The following OXCT1 variants were observed in gnomAD, a reference collection of about 807,000 sequenced individuals.
OXCT1 encodes the protein 3-oxoacid CoA-transferase 1.
A neutral mutation model predicts 69.6 loss-of-function variants in OXCT1; 27 were observed. The observed-to-expected ratio is 0.39, with a 90% CI of 0.29 to 0.54. The LOEUF is 0.54. OXCT1 is among the 20% of genes least tolerant of loss of function. The pLI, the probability that OXCT1 is intolerant of heterozygous loss-of-function variation, is 0.72. For synonymous variants in OXCT1, 202 were observed against 217.8 expected (o/e 0.93, Z 0.64); for missense variants, 437 against 650.2 (o/e 0.67, Z 3.57).
In OXCT1 at chr5:41,805,646, G is replaced by A. The variant is rs552437591; in HGVS notation, c.876C>T (p.Ala292=). The A allele has an allele frequency of 1.2e-6, 2 of 1,612,664 alleles. No individual in the cohort carries two copies. The highest frequency in any genetic ancestry group is 1.7e-6 in the Non-Finnish European group (2 of 1,179,058). The part of the protein sequence containing the change: ...LSIRKEGDGE[A]KSAKPGDDVR... ...CGTCATCTCCAGGTTTAGCAGATTTGGCTTCCCCATCTCCCTCTTTCCGGA... is the reference window on the plus strand; with the variant it reads ...CGTCATCTCCAGGTTTAGCAGATTTAGCTTCCCCATCTCCCTCTTTCCGGA... The change falls in exon 9 of 17, where the codon GCC becomes GCT. Residue 292 remains alanine, a synonymous_variant. Transcript: ENST00000196371.
At chr5:41,795,119 T>A (rs140984038) in intron 11 of OXCT1, among the ~76,000 whole-genome samples, 88 of 152,286 alleles carry the variant, frequency 5.8e-4, no homozygotes, top group African/African-American at 2.1e-3. Context: ...CACATCAGCT[T>A]ATCAAGCATT....
At chr5:41,821,280 GA>G (rs1198595807) in intron 7 of OXCT1, among the ~76,000 whole-genome samples, 1 of 152,150 alleles carries the variant, frequency 6.6e-6, no homozygotes, top group East Asian at 1.9e-4. Context: ...GCCTCTTTAT[GA>G]AAGTCAGTAC....
At chr5:41,760,411 G>C (rs1235734108) in intron 14 of OXCT1, among the ~76,000 whole-genome samples, 1 of 151,942 alleles carries the variant, frequency 6.6e-6, no homozygotes, top group Non-Finnish European at 1.5e-5. Flanking sequence ...TAAAAAATAT[G>C]ATCTTTCTTC....
chr5:41,755,509 T>C (rs1744022156), intron 14 of OXCT1, among the ~76,000 whole-genome samples: 1 of 152,124 alleles, frequency 6.6e-6, no homozygotes, highest in Non-Finnish European at 1.5e-5. Context: ...AAGAATACTT[T>C]CATTTTGAGC....
At chr5:41,845,173 G>A (rs543199440) in intron 5 of OXCT1, among the ~76,000 whole-genome samples, 10 of 152,116 alleles carry the variant, frequency 6.6e-5, no homozygotes, top group South Asian at 2.1e-4. Context: ...CCCCAAACAC[G>A]GCAAGCCTGT....
chr5:41,801,016 G>A lies in OXCT1; in HGVS notation c.1099+6C>T, dbSNP rs1392994839. ...AAAGGGAAGGGCTAGAAATAAGTGA[G>A]CTTACCTGCATTGATGAGATCTGCA... On this transcript the variant is annotated splice_donor_region_variant and intron_variant, in intron 11 of 16. Transcript: ENST00000196371. The A allele has an allele frequency of 6.2e-7, 1 of 1,610,444 alleles. No individual in the cohort carries two copies. Among genetic ancestry groups the A allele is most frequent in the Non-Finnish European group, 8.5e-7 (1 of 1,176,902 alleles).
intron 7 of OXCT1, among the ~76,000 whole-genome samples, chr5:41,812,803 G>C (rs1747049416): frequency 6.6e-6 from 1 of 151,968 alleles, no homozygotes; most frequent in Non-Finnish European, 1.5e-5. Flanking sequence ...CAGATTCTCT[G>C]TACTAATACT....
rs1435274859 is a variant in OXCT1 at position 41,816,403 on chromosome 5, A to T, written c.733-8965T>A. On this transcript the variant is annotated intron_variant, in intron 7 of 16. Coordinates refer to ENST00000196371, the MANE Select transcript of OXCT1 (RefSeq NM_000436.4). ...ACATGTTTATCACATTTCAACTATG[A>T]CTTTAGCATGATGATCAAATGGCTC... Among the ~76,000 whole-genome samples the T allele has an allele frequency of 2.0e-5, 3 of 152,204 alleles. 1 individual carries two copies. In the East Asian group the frequency reaches 5.8e-4, roughly 29 times the overall value.
At chr5:41,782,599 T>G (rs1029904739) in intron 13 of OXCT1, among the ~76,000 whole-genome samples, 1 of 151,388 alleles carries the variant, frequency 6.6e-6, no homozygotes, top group Non-Finnish European at 1.5e-5. Context: ...ATGGGGTTAG[T>G]TTTTTTTTGT....
At chr5:41,766,524 A>T (rs978212246) in intron 13 of OXCT1, among the ~76,000 whole-genome samples, 1 of 151,510 alleles carries the variant, frequency 6.6e-6, no homozygotes, top group African/African-American at 2.4e-5. Context: ...ATTCAGTAAC[A>T]TTAAAAAGTC....
intron 13 of OXCT1, among the ~76,000 whole-genome samples, chr5:41,774,781 GC>G (rs1302758126): frequency 5.3e-5 from 8 of 152,204 alleles, no homozygotes; most frequent in Non-Finnish European, 1.0e-4. Flanking sequence ...TGTAGCCCAG[GC>G]TACTAGGGAG....
intron 1 of OXCT1, among the ~76,000 whole-genome samples, chr5:41,863,659 A>G (rs1348820167): frequency 6.6e-6 from 1 of 152,198 alleles, no homozygotes; most frequent in Non-Finnish European, 1.5e-5. Flanking sequence ...GGCCACCCAA[A>G]AGAATGAAAG....
At chr5:41,796,338 A>G (rs1055302215) in intron 11 of OXCT1, among the ~76,000 whole-genome samples, 6 of 152,176 alleles carry the variant, frequency 3.9e-5, no homozygotes, top group East Asian at 1.9e-4. Context: ...TGTGCCAAAG[A>G]TAAGTCACCT....
intron 3 of OXCT1, among the ~76,000 whole-genome samples, chr5:41,854,966 A>G (rs1749363628): frequency 6.6e-6 from 1 of 152,210 alleles, no homozygotes. Context: ...GTTCATCACA[A>G]GACATGTGCA....
chr5:41,862,813 A>G lies in OXCT1; in HGVS notation c.79-63T>C, dbSNP rs1749802081. The G allele has an allele frequency of 3.1e-6, 3 of 961,964 alleles. No homozygotes were observed. The South Asian group carries it at 4.0e-5, about 13-fold the overall frequency. 59.6% of individuals were successfully genotyped at this position (961,964 alleles called of 1,614,324 possible). A position where few individuals can be genotyped will look rare whatever the true frequency, so the allele number is the denominator to read the frequency against. On this transcript the variant is annotated intron_variant, in intron 1 of 16. Transcript: ENST00000196371. ...AGATACAGCTTTACTTTGTGTGTGT[A>G]GCAATTTATTCAATTGATAGACAAA... is the stretch of plus-strand genomic sequence containing the variant.
At chr5:41,856,938 T>G (rs746960209) in intron 3 of OXCT1, among the ~76,000 whole-genome samples, 1 of 152,148 alleles carries the variant, frequency 6.6e-6, no homozygotes, top group African/African-American at 2.4e-5. Flanking sequence ...TCCTAGTACC[T>G]GGCTAGGTCC....
chr5:41,856,893 C>T (rs1436436134), intron 3 of OXCT1, among the ~76,000 whole-genome samples: 1 of 152,170 alleles, frequency 6.6e-6, no homozygotes, highest in Non-Finnish European at 1.5e-5. Context: ...CCATTACTCT[C>T]AATGCACACA....
intron 3 of OXCT1, among the ~76,000 whole-genome samples, chr5:41,855,576 T>C (rs1306994015): frequency 1.3e-5 from 2 of 152,194 alleles, no homozygotes; most frequent in Non-Finnish European, 2.9e-5. Flanking sequence ...TCTACACAGT[T>C]CATTCATCTG....
At chr5:41,747,566 G>A (rs1378425094) in intron 15 of OXCT1, among the ~76,000 whole-genome samples, 4 of 152,082 alleles carry the variant, frequency 2.6e-5, no homozygotes, top group African/African-American at 9.7e-5. Context: ...AAAATTTGGG[G>A]AGGGATAGGG....
Sources: allele counts gnomAD v4.1 joint callset (sites outside exome capture counted in the v4.1 genomes callset), GRCh38; gene constraint gnomAD v4.1.1; transcripts MANE v1.5; gene names NCBI Gene and HGNC (gene_info 2026-07-23, HGNC 2026-07-21).